The following C2CD3 variants were observed in gnomAD, a reference collection of about 807,000 sequenced individuals.
C2CD3 encodes C2 domain containing 3 centriole elongation regulator.
Under a neutral mutation model 234.0 loss-of-function variants are expected in C2CD3, and 148 were observed. The observed-to-expected ratio is 0.63, with a 90% confidence interval of 0.55 to 0.72. C2CD3 has a LOEUF of 0.72. C2CD3 is among the 30% of genes least tolerant of loss of function. The probability of loss-of-function intolerance (pLI) is 0.00; values close to 1 mark genes in which losing one functional copy is unlikely to be tolerated. For synonymous variants in C2CD3, 1,000 were observed against 1,035.4 expected, an observed-to-expected ratio of 0.97 and a Z score of 0.66; for missense variants, 2,577 against 2,811.5, an observed-to-expected ratio of 0.92 and a Z score of 1.89.
At chr11:74,107,322 TCACACACACA>T (rs142285119) in intron 12 of C2CD3, among the ~76,000 whole-genome samples, 1 of 146,524 alleles carries the variant, frequency 6.8e-6, no homozygotes, top group Middle Eastern at 3.3e-3. Flanking sequence ...TGAAACTGTG[TCACACACACA>T]CACACACACA....
At chr11:74,069,440 T>C (rs1169398130) in intron 24 of C2CD3, among the ~76,000 whole-genome samples, 1 of 152,242 alleles carries the variant, frequency 6.6e-6, no homozygotes, top group African/African-American at 2.4e-5. Context: ...TTAAGAATTT[T>C]ATGCATCAAG....
intron 28 of C2CD3, 21 bp downstream of exon 28, chr11:74,048,184 C>T (rs771010432): frequency 6.2e-7 from 1 of 1,610,466 alleles, no homozygotes; most frequent in Non-Finnish European, 8.5e-7. Flanking sequence ...CATTTCTTCT[C>T]ATCATCAAGA....
chr11:74,051,653 C>G (rs1953697144), intron 26 of C2CD3, among the ~76,000 whole-genome samples: 2 of 152,156 alleles, frequency 1.3e-5, no homozygotes, highest in Admixed American at 1.3e-4. Flanking sequence ...AGTAAAAATC[C>G]TGCCCCTTCA....
intron 12 of C2CD3, among the ~76,000 whole-genome samples, chr11:74,107,288 G>C (rs112375501): frequency 1.3e-5 from 2 of 150,762 alleles, no homozygotes; most frequent in Admixed American, 6.6e-5. Context: ...CCATGCCATT[G>C]CACTCCAGCC....
At chr11:74,165,654 C>A (rs537832468) in intron 2 of C2CD3, among the ~76,000 whole-genome samples, 1 of 152,094 alleles carries the variant, frequency 6.6e-6, no homozygotes, top group African/African-American at 2.4e-5. Flanking sequence ...CATTTTCTGT[C>A]ATTTTCTTTC....
chr11:74,088,018 A>C (rs1350175727), intron 20 of C2CD3, among the ~76,000 whole-genome samples: 2 of 152,172 alleles, frequency 1.3e-5, no homozygotes, highest in African/African-American at 4.8e-5. Flanking sequence ...AGAGAAGACT[A>C]ATTTACAGCA....
At position 74,078,701 on chromosome 11, in the gene C2CD3, A is replaced by T; in HGVS notation, c.4017T>A (p.Tyr1339Ter). 6.2e-7 allele frequency: 1 copy of T among 1,604,164 alleles called. No homozygotes were observed. The highest frequency in any genetic ancestry group is 1.7e-5 in the Admixed American group (1 of 57,796). The change falls in exon 23 of 33, where the codon TAT (tyrosine) becomes TAA (stop). Residue 1339 changes from tyrosine to a stop codon, truncating the protein, a stop_gained. Transcript: ENST00000334126. LOFTEE classifies it high-confidence loss of function. Reference sequence around the variant, plus strand: ...CCCCGTCTTCTGGTAAAATGATAGGATACCATCCTGTGATCCCTTACGGGA... The same window carrying T: ...CCCCGTCTTCTGGTAAAATGATAGGTTACCATCCTGTGATCCCTTACGGGA... ...LIKRSGITGW[Y>*]PIILPEDGGL... is the part of the protein sequence containing the mutation.
intron 3 of C2CD3, among the ~76,000 whole-genome samples, chr11:74,143,111 C>T (rs528483933): frequency 1.3e-5 from 2 of 152,222 alleles, no homozygotes; most frequent in South Asian, 2.1e-4. Flanking sequence ...CCAAAGCCCA[C>T]GCCATCCACA....
At chr11:74,168,143 GAAGT>G (rs1856925697) in intron 2 of C2CD3, 197 bp downstream of exon 2, 9 of 569,458 alleles carry the variant, frequency 1.6e-5, no homozygotes, top group Non-Finnish European at 2.8e-5. Context: ...GTAAGGATTA[GAAGT>G]AATACATTTC....
rs193187524 is a variant in C2CD3 at position 74,121,712 on chromosome 11, C to A, written c.1365+1276G>T. Among the ~76,000 whole-genome samples the A allele has an allele frequency of 4.6e-5, 7 of 152,196 alleles. No homozygotes were observed. The East Asian group carries it at 1.2e-3, about 25-fold the overall frequency. The stretch of plus-strand genomic sequence containing the variant: ...TAAAAACACAAAACAAACAACCCCC[C>A]CAAGTATTTAATAAATGACAGATAA... On this transcript the variant is annotated intron_variant, in intron 8 of 32. Coordinates refer to ENST00000334126, the MANE Select transcript of C2CD3 (RefSeq NM_001286577.2).
At chr11:74,022,512 G>A (rs1315453650) in intron 32 of C2CD3, among the ~76,000 whole-genome samples, 1 of 152,182 alleles carries the variant, frequency 6.6e-6, no homozygotes, top group Non-Finnish European at 1.5e-5. Context: ...GTCATTCAAA[G>A]TCATATTTGA....
intron 15 of C2CD3, 145 bp from the exon 16 acceptor site, chr11:74,098,400 T>C: frequency 1.2e-6 from 1 of 811,750 alleles, no homozygotes; most frequent in South Asian, 1.8e-5. Context: ...TGTGTGCATC[T>C]GTCAGTAACC....
chr11:74,045,648 T>C (rs1953336465), intron 28 of C2CD3, among the ~76,000 whole-genome samples: 1 of 152,120 alleles, frequency 6.6e-6, no homozygotes, highest in East Asian at 1.9e-4. Context: ...CATGGCTCAC[T>C]GTAGCCTCGA....
chr11:74,116,839 T>C (rs1956951823), intron 9 of C2CD3, among the ~76,000 whole-genome samples: 1 of 142,682 alleles, frequency 7.0e-6, no homozygotes, highest in East Asian at 2.3e-4. Context: ...TGTGTGTATA[T>C]ATACACGTGT....
At chr11:74,058,704 A>G (rs1287702578) in intron 24 of C2CD3, among the ~76,000 whole-genome samples, 2 of 152,038 alleles carry the variant, frequency 1.3e-5, no homozygotes, top group Non-Finnish European at 2.9e-5. Flanking sequence ...CAGGTTTCCA[A>G]TGTGGGAGAC....
chr11:74,074,611 A>G lies in C2CD3; in HGVS notation c.4604-11T>C. The G allele has an allele frequency of 6.3e-7, 1 of 1,596,052 alleles. No homozygotes were observed. Among genetic ancestry groups the G allele is most frequent in the Non-Finnish European group, 8.6e-7 (1 of 1,169,542 alleles). ...ACAGAGGATACACACCTAAAAGAAGATGGAGAAGAATAAGGCTAGTCAAGC... is the reference window on the plus strand; with the variant it reads ...ACAGAGGATACACACCTAAAAGAAGGTGGAGAAGAATAAGGCTAGTCAAGC... On this transcript the variant is annotated splice_polypyrimidine_tract_variant and intron_variant, in intron 23 of 32. Transcript: ENST00000334126.
intron 32 of C2CD3, among the ~76,000 whole-genome samples, chr11:74,019,285 A>T (rs1951993219): frequency 6.6e-6 from 1 of 151,906 alleles, no homozygotes. Context: ...CTTCCTAAAA[A>T]GTGTCTGCCA....
intron 3 of C2CD3, among the ~76,000 whole-genome samples, chr11:74,152,968 C>G (rs1419735267): frequency 6.6e-6 from 1 of 152,146 alleles, no homozygotes; most frequent in Non-Finnish European, 1.5e-5. Context: ...TGGCTCTCCT[C>G]TAATTCCAGC....
At chr11:74,047,257 C>T (rs367611481) in intron 28 of C2CD3, among the ~76,000 whole-genome samples, 59 of 152,268 alleles carry the variant, frequency 3.9e-4, no homozygotes, top group African/African-American at 1.3e-3. Context: ...TATGACACTT[C>T]GATGTGGCCC....
Sources: allele counts gnomAD v4.1 joint callset (sites outside exome capture counted in the v4.1 genomes callset), GRCh38; gene constraint gnomAD v4.1.1; transcripts MANE v1.5; gene names NCBI Gene and HGNC (gene_info 2026-07-23, HGNC 2026-07-21).